COMMD10: variants seen among roughly 807,000 people sequenced by gnomAD.
COMMD10 encodes the protein COMM domain containing 10.
A neutral mutation model predicts 28.9 loss-of-function variants in COMMD10; 33 were observed. The ratio of observed to expected loss-of-function variants is 1.14; its 90% CI spans 0.87 to 1.53. The LOEUF is 1.53. COMMD10 is among the 40% of genes most tolerant of loss of function. The probability of loss-of-function intolerance (pLI) is 0.00; values close to 1 mark genes in which losing one functional copy is unlikely to be tolerated. For synonymous variants in COMMD10, 110 were observed against 81.7 expected (o/e 1.35, Z -1.87); for missense variants, 310 against 233.4 (o/e 1.33, Z -2.14).
chr5:116,169,459 A>G (rs1448642481), intron 5 of COMMD10, among the ~76,000 whole-genome samples: 1 of 152,188 alleles, frequency 6.6e-6, no homozygotes, highest in African/African-American at 2.4e-5. Context: ...TGAACAATAG[A>G]AAAAGAGGGA....
At chr5:116,149,491 A>G (rs1010759918) in intron 5 of COMMD10, among the ~76,000 whole-genome samples, 8 of 145,588 alleles carry the variant, frequency 5.5e-5, no homozygotes, top group Non-Finnish European at 1.0e-4. Flanking sequence ...AAGTGTTCCT[A>G]TTTCTCCACA....
intron 5 of COMMD10, 146 bp downstream of exon 5, chr5:116,134,324 A>G (rs1158917289): frequency 1.3e-5 from 7 of 550,610 alleles, no homozygotes; most frequent in Non-Finnish European, 9.7e-6. Context: ...TTTGACAGAA[A>G]TAGCTTATCT....
chr5:116,150,917 G>A (rs1253505305), intron 5 of COMMD10, among the ~76,000 whole-genome samples: 1 of 151,566 alleles, frequency 6.6e-6, no homozygotes, highest in Non-Finnish European at 1.5e-5. Flanking sequence ...GGTGAGAGAG[G>A]GCATCCCTGT....
At chr5:116,182,180 GCAGA>G (rs535192981) in intron 5 of COMMD10, among the ~76,000 whole-genome samples, 3 of 152,054 alleles carry the variant, frequency 2.0e-5, no homozygotes, top group Non-Finnish European at 4.4e-5. Context: ...CATTATTCAA[GCAGA>G]CAATTGAATG....
At chr5:116,162,136 C>T (rs1269475917) in intron 5 of COMMD10, among the ~76,000 whole-genome samples, 4 of 152,060 alleles carry the variant, frequency 2.6e-5, no homozygotes, top group African/African-American at 7.2e-5. Context: ...ATTCATTGAC[C>T]TATTTAAATT....
At chr5:116,232,707 A>C (rs1312534493) in intron 5 of COMMD10, among the ~76,000 whole-genome samples, 1 of 152,206 alleles carries the variant, frequency 6.6e-6, no homozygotes, top group African/African-American at 2.4e-5. Context: ...CGTCTCAAAA[A>C]ATTAGCAAAA....
intron 4 of COMMD10, among the ~76,000 whole-genome samples, chr5:116,122,263 G>C (rs1050119555): frequency 1.3e-5 from 2 of 152,152 alleles, no homozygotes; most frequent in East Asian, 3.9e-4. Context: ...TCTTGTTTTT[G>C]TCAGGTTTGT....
chr5:116,211,699 TTAAA>T (rs1393066465), intron 5 of COMMD10, among the ~76,000 whole-genome samples: 4 of 152,130 alleles, frequency 2.6e-5, no homozygotes, highest in African/African-American at 9.7e-5. Context: ...ATGGAGTATT[TTAAA>T]TAAGTAGATT....
chr5:116,291,402 T>C, intron 5 of COMMD10, 115 bp from the exon 6 acceptor site: 1 of 730,536 alleles, frequency 1.4e-6, no homozygotes, highest in East Asian at 2.8e-5. Context: ...GGTAAGCATT[T>C]TTTAAAACCA....
chr5:116,261,653 A>G (rs1561397830), intron 5 of COMMD10, among the ~76,000 whole-genome samples: 1 of 151,536 alleles, frequency 6.6e-6, no homozygotes, highest in East Asian at 1.9e-4. Flanking sequence ...TGTTGTCCTT[A>G]TTTTGCATAT....
chr5:116,159,965 T>C (rs60103162), intron 5 of COMMD10, among the ~76,000 whole-genome samples: 2,213 of 152,296 alleles, frequency 0.015, 58 homozygotes, highest in African/African-American at 0.05. Context: ...TAACATTGTA[T>C]TATGACTTTT....
intron 5 of COMMD10, among the ~76,000 whole-genome samples, chr5:116,157,037 A>G (rs543178915): frequency 6.6e-6 from 1 of 152,168 alleles, no homozygotes; most frequent in Non-Finnish European, 1.5e-5. Flanking sequence ...TTAAGTAAAT[A>G]TTTCATCCTC....
intron 5 of COMMD10, among the ~76,000 whole-genome samples, chr5:116,273,739 C>G (rs901190727): frequency 1.3e-5 from 2 of 151,642 alleles, no homozygotes; most frequent in African/African-American, 4.9e-5. Context: ...AAGCCTTTGA[C>G]TTCTGTTTGT....
chr5:116,287,981 G>T (rs1751263603), intron 5 of COMMD10, among the ~76,000 whole-genome samples: 1 of 151,528 alleles, frequency 6.6e-6, no homozygotes, highest in Non-Finnish European at 1.5e-5. Context: ...TAAATTTACA[G>T]TATTACGTAT....
intron 4 of COMMD10, among the ~76,000 whole-genome samples, chr5:116,113,965 C>G (rs188054102): frequency 6.6e-6 from 1 of 150,470 alleles, no homozygotes; most frequent in Admixed American, 6.6e-5. Flanking sequence ...TATGTGACTT[C>G]GATGTTGGTT....
intron 5 of COMMD10, among the ~76,000 whole-genome samples, chr5:116,140,482 T>A (rs183397719): frequency 6.6e-6 from 1 of 151,910 alleles, no homozygotes; most frequent in Non-Finnish European, 1.5e-5. Flanking sequence ...TAATTTGAAT[T>A]TTTGGAGGAA....
chr5:116,289,303 A>G lies in COMMD10; in HGVS notation c.511-2214A>G, dbSNP rs1031680238. Among the ~76,000 whole-genome samples the G allele has an allele frequency of 5.3e-5, 8 of 151,830 alleles. No individual in the cohort carries two copies. In the South Asian group the frequency reaches 1.4e-3, roughly 28 times the overall value. On this transcript the variant is annotated intron_variant, in intron 5 of 6. Coordinates refer to ENST00000274458, the MANE Select transcript of COMMD10 (RefSeq NM_016144.4). ...TTTATTTTGTTCCTTTGATTAGGCCATATTTCCCTATTGCTTTGTATGCTT... is the reference window on the plus strand; with the variant it reads ...TTTATTTTGTTCCTTTGATTAGGCCGTATTTCCCTATTGCTTTGTATGCTT...
chr5:116,169,239 A>G (rs1329198554), intron 5 of COMMD10, among the ~76,000 whole-genome samples: 1 of 152,206 alleles, frequency 6.6e-6, no homozygotes, highest in African/African-American at 2.4e-5. Flanking sequence ...AATAAACTAG[A>G]AAATCTGGAA....
intron 5 of COMMD10, among the ~76,000 whole-genome samples, chr5:116,254,679 C>G (rs568018669): frequency 5.3e-5 from 8 of 151,952 alleles, no homozygotes; most frequent in Admixed American, 1.3e-4. Context: ...GTTATAATTT[C>G]TGATCTTTTA....
Sources: gnomAD v4.1 joint callset for allele counts (sites outside exome capture counted in the v4.1 genomes callset) on GRCh38, gnomAD v4.1.1 for gene constraint, MANE v1.5 for transcripts, NCBI Gene and HGNC (gene_info 2026-07-23, HGNC 2026-07-21) for gene names.